Variants in PLXDC2 observed in about 807,000 individuals in gnomAD.
The protein encoded by PLXDC2 is plexin domain-containing protein 2.
Under a neutral mutation model 68.9 loss-of-function variants are expected in PLXDC2, and 40 were observed. The ratio of observed to expected loss-of-function variants is 0.58; its 90% CI spans 0.45 to 0.76. The LOEUF is 0.76. PLXDC2 is among the 30% of genes least tolerant of loss of function. The pLI, the probability that PLXDC2 is intolerant of heterozygous loss-of-function variation, is 0.00. For synonymous variants in PLXDC2, 243 were observed against 234.2 expected, an observed-to-expected ratio of 1.04 and a Z score of -0.34; for missense variants, 644 against 661.9, an observed-to-expected ratio of 0.97 and a Z score of 0.30.
chr10:19,886,531 A>AT, intron 1 of PLXDC2, among the ~76,000 whole-genome samples: 1 of 152,298 alleles, frequency 6.6e-6, no homozygotes, highest in East Asian at 1.9e-4. Context: ...AAACCACATG[A>AT]TTTTTTCAAT....
chr10:19,930,976 A>G (rs1307310220), intron 1 of PLXDC2, among the ~76,000 whole-genome samples: 1 of 151,902 alleles, frequency 6.6e-6, no homozygotes, highest in Non-Finnish European at 1.5e-5. Flanking sequence ...AGAAAGAAAG[A>G]GAGAGAGAGA....
intron 1 of PLXDC2, among the ~76,000 whole-genome samples, chr10:19,838,127 T>A (rs1441471250): frequency 6.6e-6 from 1 of 152,076 alleles, no homozygotes; most frequent in African/African-American, 2.4e-5. Flanking sequence ...AGACTCCCAA[T>A]ATTTTTAAGT....
At chr10:19,923,012 T>A (rs1362699538) in intron 1 of PLXDC2, among the ~76,000 whole-genome samples, 1 of 152,174 alleles carries the variant, frequency 6.6e-6, no homozygotes, top group Admixed American at 6.5e-5. Flanking sequence ...TCTCTTTATA[T>A]GTTGTTTATT....
At chr10:20,187,414 A>G (rs891515365) in intron 9 of PLXDC2, among the ~76,000 whole-genome samples, 1 of 151,898 alleles carries the variant, frequency 6.6e-6, no homozygotes, top group African/African-American at 2.4e-5. Flanking sequence ...ATACAGGTAT[A>G]CAATGTATAA....
chr10:20,213,380 T>C (rs887691667), intron 10 of PLXDC2, among the ~76,000 whole-genome samples: 5 of 152,114 alleles, frequency 3.3e-5, no homozygotes, highest in Non-Finnish European at 1.5e-5. Context: ...TCTCCTCTTC[T>C]AAAGCTCTGT....
intron 1 of PLXDC2, among the ~76,000 whole-genome samples, chr10:19,984,656 G>A (rs1834606406): frequency 6.6e-6 from 1 of 152,144 alleles, no homozygotes; most frequent in Non-Finnish European, 1.5e-5. Context: ...ACCTCAGACA[G>A]TATAAGTTTA....
chr10:19,841,487 A>G (rs1040526915), intron 1 of PLXDC2, among the ~76,000 whole-genome samples: 2 of 150,102 alleles, frequency 1.3e-5, no homozygotes, highest in South Asian at 2.1e-4. Context: ...AATCTTGTTT[A>G]TCATCTAGTG....
At chr10:20,234,629 C>G (rs957840073) in intron 12 of PLXDC2, among the ~76,000 whole-genome samples, 1 of 147,746 alleles carries the variant, frequency 6.8e-6, no homozygotes, top group Non-Finnish European at 1.5e-5. Flanking sequence ...CTCTACCGAG[C>G]TGTTGTTGTT....
At position 20,044,200 on chromosome 10, in the gene PLXDC2, T is replaced by C. The variant is rs1020836640; in HGVS notation, c.325-2669T>C. 8.1e-4 allele frequency among the ~76,000 whole-genome samples: 115 copies of C among 142,026 alleles called. 5 individuals carry two copies. The highest frequency in any genetic ancestry group is 2.9e-3 in the African/African-American group (103 of 35,646). 93.2% of individuals were successfully genotyped at this position (142,026 alleles called of 152,430 possible). A position where few individuals can be genotyped will look rare whatever the true frequency, so the allele number is the denominator to read the frequency against. On this transcript the variant is annotated intron_variant, in intron 2 of 13. Transcript: ENST00000377252. ...TTCCTTCTTTCTTTCTTTCTCTCTC[T>C]CTCTCTCTCTGTCTTTCTTTCTTTC... is the stretch of plus-strand genomic sequence containing the variant.
chr10:19,835,280 C>T (rs1358437515), intron 1 of PLXDC2, among the ~76,000 whole-genome samples: 1 of 152,150 alleles, frequency 6.6e-6, no homozygotes, highest in Admixed American at 6.6e-5. Flanking sequence ...TTCAAAGGGT[C>T]TCTCTAGTGT....
chr10:20,055,308 A>G (rs1026294668), intron 3 of PLXDC2, among the ~76,000 whole-genome samples: 86 of 152,250 alleles, frequency 5.6e-4, no homozygotes, highest in African/African-American at 2.0e-3. Flanking sequence ...TTCAGCTAGC[A>G]TTACCATGGG....
intron 1 of PLXDC2, among the ~76,000 whole-genome samples, chr10:19,865,476 A>T (rs1326584417): frequency 6.6e-6 from 1 of 152,188 alleles, no homozygotes; most frequent in Admixed American, 6.5e-5. Context: ...CATTACTGGT[A>T]TGAATGGATG....
At chr10:20,150,731 T>C (rs1834141850) in intron 6 of PLXDC2, among the ~76,000 whole-genome samples, 1 of 152,320 alleles carries the variant, frequency 6.6e-6, no homozygotes, top group Non-Finnish European at 1.5e-5. Context: ...ATTTGTGTTC[T>C]TATTGTGGCT....
At chr10:20,015,664 G>A (rs1394450563) in intron 2 of PLXDC2, among the ~76,000 whole-genome samples, 1 of 151,912 alleles carries the variant, frequency 6.6e-6, no homozygotes, top group Non-Finnish European at 1.5e-5. Context: ...GAGAGACAAT[G>A]AAAAGAGACC....
intron 1 of PLXDC2, among the ~76,000 whole-genome samples, chr10:19,953,739 A>T (rs1462016639): frequency 6.6e-6 from 1 of 152,204 alleles, no homozygotes; most frequent in Non-Finnish European, 1.5e-5. Context: ...GGAGTTTATG[A>T]TCATCATACT....
intron 2 of PLXDC2, among the ~76,000 whole-genome samples, chr10:20,043,705 TA>T (rs1180462802): frequency 6.6e-6 from 1 of 152,126 alleles, no homozygotes; most frequent in Non-Finnish European, 1.5e-5. Context: ...TTTGTAATAA[TA>T]CTGTCAATAG....
At chr10:20,009,668 C>T (rs1432834793) in intron 2 of PLXDC2, among the ~76,000 whole-genome samples, 2 of 150,450 alleles carry the variant, frequency 1.3e-5, no homozygotes, top group Admixed American at 6.7e-5. Context: ...AGGATTAATG[C>T]AGTGATGAGG....
chr10:20,256,299 A>G (rs1428109746), intron 13 of PLXDC2, among the ~76,000 whole-genome samples: 1 of 151,474 alleles, frequency 6.6e-6, no homozygotes, highest in African/African-American at 2.4e-5. Context: ...CACCTGGCTA[A>G]TTTTTGTATT....
intron 4 of PLXDC2, among the ~76,000 whole-genome samples, chr10:20,069,240 A>G (rs1836275083): frequency 6.6e-6 from 1 of 152,190 alleles, no homozygotes; most frequent in African/African-American, 2.4e-5. Context: ...ATCAACAAGT[A>G]ACTGGAAGTT....
Sources: gnomAD v4.1 joint callset for allele counts (sites outside exome capture counted in the v4.1 genomes callset) on GRCh38, gnomAD v4.1.1 for gene constraint, MANE v1.5 for transcripts, NCBI Gene and HGNC (gene_info 2026-07-23, HGNC 2026-07-21) for gene names.